The following KTN1 variants were observed in gnomAD, a reference collection of about 807,000 sequenced individuals.
The protein encoded by KTN1 is kinectin 1.
KTN1 carries 130 observed loss-of-function variants against 222.5 expected under a neutral mutation model. The observed-to-expected ratio is 0.58, with a 90% CI of 0.51 to 0.68. The LOEUF is 0.68. Ranked by LOEUF, KTN1 falls within the 30% of genes least tolerant of loss-of-function variation. KTN1 has a pLI of 0.00. For missense variants in KTN1, 1,508 were observed against 1,500.4 expected (o/e 1.01, Z -0.08); for synonymous variants, 512 against 496.3 (o/e 1.03, Z -0.42).
intron 2 of KTN1, among the ~76,000 whole-genome samples, chr14:55,612,902 G>GA (rs55992309): frequency 0.29 from 42,898 of 148,464 alleles, 6,161 homozygotes; most frequent in East Asian, 0.37. Flanking sequence ...GAAATTAAAA[G>GA]AAAAAAAAAA....
intron 28 of KTN1, 25 bp from the exon 29 acceptor site, chr14:55,656,017 T>C: frequency 7.0e-7 from 1 of 1,418,544 alleles, no homozygotes; most frequent in Admixed American, 1.8e-5. Context: ...CTTTAGTTAA[T>C]GCAGATCTTT....
At chr14:55,678,512 G>A in intron 42 of KTN1, 68 bp downstream of exon 42, 2 of 911,446 alleles carry the variant, frequency 2.2e-6, no homozygotes, top group Middle Eastern at 2.2e-4. Context: ...GAACAAAAAT[G>A]TATAAGGTCC....
intron 6 of KTN1, among the ~76,000 whole-genome samples, chr14:55,628,757 TAA>T (rs373735013): frequency 6.6e-6 from 1 of 152,272 alleles, no homozygotes; most frequent in African/African-American, 2.4e-5. Context: ...CAAGATTAAT[TAA>T]AGTTGTTAAT....
intron 29 of KTN1, 96 bp from the exon 30 acceptor site, chr14:55,658,450 T>TTTTCTAGCTTGTATGATCTG: frequency 1.7e-5 from 13 of 744,216 alleles, no homozygotes; most frequent in Non-Finnish European, 3.1e-5. Flanking sequence ...ATTTTGGAAT[T>TTTTCTAGCTTGTATGATCTG]TTTCTAGCTT....
chr14:55,604,855 G>T (rs2036510298), intron 1 of KTN1, among the ~76,000 whole-genome samples: 1 of 151,898 alleles, frequency 6.6e-6, no homozygotes, highest in South Asian at 2.1e-4. Flanking sequence ...TTGATTGCAG[G>T]GATAAGGTGA....
chr14:55,659,068 T>C (rs1050914880), intron 30 of KTN1, among the ~76,000 whole-genome samples: 1 of 152,158 alleles, frequency 6.6e-6, no homozygotes, highest in Non-Finnish European at 1.5e-5. Context: ...AGTGTGTTTT[T>C]ATAAAAGATG....
chr14:55,647,139 A>G (rs1400547553), intron 19 of KTN1, 132 bp downstream of exon 19: 4 of 639,770 alleles, frequency 6.3e-6, no homozygotes, highest in South Asian at 1.9e-5. Context: ...TTGGGATTAC[A>G]TTACCGTTTG....
intron 1 of KTN1, among the ~76,000 whole-genome samples, chr14:55,605,711 C>T (rs959807572): frequency 2.6e-5 from 4 of 152,146 alleles, no homozygotes; most frequent in African/African-American, 9.7e-5. Context: ...TATTGCTATT[C>T]ACTAATCTTA....
chr14:55,672,556 T>A, intron 37 of KTN1, 74 bp from the exon 38 acceptor site: 1 of 873,614 alleles, frequency 1.1e-6, no homozygotes, highest in Non-Finnish European at 1.9e-6. Flanking sequence ...TTTTAATTGA[T>A]CAGAATTCTA....
At chr14:55,660,622 T>A (rs2044028264) in intron 31 of KTN1, among the ~76,000 whole-genome samples, 1 of 152,152 alleles carries the variant, frequency 6.6e-6, no homozygotes, top group South Asian at 2.1e-4. Context: ...CAGAGTTGCT[T>A]GTGTACTAGG....
Position 55,616,616 on chromosome 14 carries a change from A to G in KTN1, c.623A>G (p.Lys208Arg), listed in dbSNP as rs1368275884. 6.2e-7 allele frequency: 1 copy of G among 1,600,730 alleles called. No individual in the cohort carries two copies. The highest frequency in any genetic ancestry group is 1.4e-5 in the African/African-American group (1 of 73,450). Reference sequence around the variant, plus strand: ...ACTAAACAAGAAAGTGGATCAGGGAAGAAGAAAGCTTCATCAAAGAAACAA... The same window carrying G: ...ACTAAACAAGAAAGTGGATCAGGGAGGAAGAAAGCTTCATCAAAGAAACAA... ...QETKQESGSG[K>R]KKASSKKQKT... Residue 208 changes from lysine (K) to arginine (R), a missense_variant, in exon 3 of 44, where the codon AAG (lysine) becomes AGG (arginine). Coordinates refer to ENST00000395314, the MANE Select transcript of KTN1 (RefSeq NM_001079521.2).
At chr14:55,647,499 G>A (rs978135216) in intron 19 of KTN1, among the ~76,000 whole-genome samples, 5 of 151,774 alleles carry the variant, frequency 3.3e-5, no homozygotes, top group African/African-American at 9.7e-5. Context: ...CAGGCATGGT[G>A]GTGCATGCCT....
At position 55,663,963 on chromosome 14, in the gene KTN1, G is replaced by A; in HGVS notation, c.3099G>A (p.Arg1033=). 13 of 1,610,244 alleles carry A rather than the reference G, an allele frequency of 8.1e-6. No homozygotes were observed. Among genetic ancestry groups the A allele is most frequent in the Non-Finnish European group, 1.1e-5 (13 of 1,177,064 alleles). ...TTTCTAAAAATGATTAGGACCTTCG[G>A]GAGAAAAACTGGGAAGCAATGGAAG... ...EHQRKKNNDL[R]EKNWEAMEAL... is the part of the protein sequence containing the mutation. The change falls in exon 33 of 44, where the codon CGG becomes CGA. Residue 1033 remains arginine, a synonymous_variant. Coordinates refer to ENST00000395314, the MANE Select transcript of KTN1 (RefSeq NM_001079521.2).
intron 8 of KTN1, among the ~76,000 whole-genome samples, chr14:55,633,816 C>T (rs965300383): frequency 2.0e-5 from 3 of 152,068 alleles, no homozygotes; most frequent in African/African-American, 7.2e-5. Flanking sequence ...TTCACTGACT[C>T]TGAGGTAGAG....
Position 55,648,880 on chromosome 14 carries a change from A to AT in KTN1, c.2367+15dup, listed in dbSNP as rs767467215. The AT allele has an allele frequency of 8.4e-5, 127 of 1,513,028 alleles. 1 individual carries two copies. The highest frequency in any genetic ancestry group is 2.8e-4 in the Admixed American group (16 of 57,312). 93.7% of individuals were successfully genotyped at this position (1,513,028 alleles called of 1,614,324 possible). ...TAAGCAAAATGATCAGGTAATGTAA[A>AT]TTTTTACAACTGTTCTTTGTCTCTG... On this transcript the variant is annotated intron_variant, in intron 21 of 43. Transcript: ENST00000395314.
Position 55,619,226 on chromosome 14 carries a change from A to C in KTN1, c.877A>C (p.Thr293Pro), listed in dbSNP as rs1258757259. Reference protein sequence around the residue: ...KFKDFLLSLKTMMFSEDEALC... With the variant: ...KFKDFLLSLKPMMFSEDEALC... ...TAAAGATTTTCTTCTGTCCTTGAAG[A>C]CTATGATGTTTTCTGAAGATGAGGC... is the stretch of plus-strand genomic sequence containing the variant. The change falls in exon 5 of 44, where the codon ACT (threonine) becomes CCT (proline). Residue 293 changes from threonine (T) to proline (P), a missense_variant. Physicochemically the swap from Thr to Pro is conservative, Grantham distance 38. Transcript: ENST00000395314. The C allele has an allele frequency of 1.2e-6, 2 of 1,608,732 alleles. No homozygotes were observed. Among genetic ancestry groups the C allele is most frequent in the Non-Finnish European group, 1.7e-6 (2 of 1,175,336 alleles).
chr14:55,618,030 G>A lies in KTN1; in HGVS notation c.728G>A (p.Ser243Asn), dbSNP rs1233291282. The A allele has an allele frequency of 6.2e-7, 1 of 1,612,594 alleles. No individual in the cohort carries two copies. The highest frequency in any genetic ancestry group is 8.5e-7 in the Non-Finnish European group (1 of 1,178,916). The change falls in exon 4 of 44, where the codon AGT (serine) becomes AAT (asparagine). Residue 243 changes from serine to asparagine, a missense_variant. Transcript: ENST00000395314. ...CCTTTGATGGATAATGCTGACTCAA[G>A]TCCTGTGGTAGATAAGAGAGAGGTT... is the stretch of plus-strand genomic sequence containing the variant. ...YIPLMDNADS[S>N]PVVDKREVID... is the part of the protein sequence containing the mutation.
chr14:55,679,590 C>G lies in KTN1; in HGVS notation c.3974C>G (p.Ser1325Cys), dbSNP rs771519320. ...ETESSEKETM[S>C]VSLNQTVTQL... ...GAGTCTTCTGAGAAGGAGACAATGT[C>G]TGTAAGTCTAAATCAGACTGTAACA... Residue 1325 changes from serine (S) to cysteine (C), a missense_variant, in exon 43 of 44, where the codon TCT becomes TGT. By Grantham distance (112) the Ser-to-Cys change is moderately radical. Transcript: ENST00000395314. 1 of 1,611,010 alleles carries G rather than the reference C, an allele frequency of 6.2e-7. No homozygotes were observed. Among genetic ancestry groups the G allele is most frequent in the South Asian group, 1.1e-5 (1 of 90,916 alleles).
intron 34 of KTN1, 129 bp from the exon 35 acceptor site, chr14:55,670,600 C>T (rs1471221205): frequency 7.0e-6 from 4 of 574,814 alleles, no homozygotes; most frequent in Non-Finnish European, 1.2e-5. Context: ...AAATTTGTAG[C>T]AATGTCCTGT....
Sources: allele counts gnomAD v4.1 joint callset (sites outside exome capture counted in the v4.1 genomes callset), GRCh38; gene constraint gnomAD v4.1.1; transcripts MANE v1.5; gene names NCBI Gene and HGNC (gene_info 2026-07-23, HGNC 2026-07-21).